Variants in LIPI observed in about 807,000 individuals in gnomAD.
The protein encoded by LIPI is lipase member I.
LIPI carries 59 observed loss-of-function variants against 50.6 expected under a neutral mutation model. The ratio of observed to expected loss-of-function variants is 1.16; its 90% CI spans 0.94 to 1.45. LIPI has a LOEUF of 1.45. Among genes scored for constraint, LIPI ranks in the 40% most tolerant of loss-of-function variants. The pLI is 0.00. For missense variants in LIPI, 586 were observed against 536.3 expected, an observed-to-expected ratio of 1.09 and a Z score of -0.92; for synonymous variants, 203 against 178.2, an observed-to-expected ratio of 1.14 and a Z score of -1.11.
rs547741795 is a variant in LIPI at position 14,205,320 on chromosome 21, T to C, written c.46+5480A>G. Among the ~76,000 whole-genome samples the C allele has an allele frequency of 7.2e-5, 11 of 151,998 alleles. No individual in the cohort carries two copies. The East Asian group carries it at 1.7e-3, about 24-fold the overall frequency. ...AATAAATTATCATGTATTTCTAAGATGGGGACTATGCAGCATTTAAGAAAT... is the reference window on the plus strand; with the variant it reads ...AATAAATTATCATGTATTTCTAAGACGGGGACTATGCAGCATTTAAGAAAT... On this transcript the variant is annotated intron_variant, in intron 1 of 9. Coordinates refer to ENST00000681601, the MANE Select transcript of LIPI (RefSeq NM_001302998.2).
intron 7 of LIPI, among the ~76,000 whole-genome samples, chr21:14,154,745 C>T (rs117593469): frequency 6.2e-4 from 94 of 152,040 alleles, no homozygotes; most frequent in Non-Finnish European, 1.1e-3. Context: ...ATAAGTTAGT[C>T]GCTGAGAAAA....
intron 9 of LIPI, among the ~76,000 whole-genome samples, chr21:14,141,150 T>C (rs2123044721): frequency 6.6e-6 from 1 of 152,294 alleles, no homozygotes; most frequent in Non-Finnish European, 1.5e-5. Context: ...TATCTTCTTT[T>C]CCTCAGTTGA....
intron 9 of LIPI, among the ~76,000 whole-genome samples, chr21:14,134,741 C>A (rs2017427186): frequency 6.6e-6 from 1 of 152,026 alleles, no homozygotes; most frequent in Non-Finnish European, 1.5e-5. Flanking sequence ...TAGCCATAGG[C>A]AGAATAATGA....
intron 7 of LIPI, among the ~76,000 whole-genome samples, chr21:14,161,679 T>TTATATATTAATGTATAATATATACATTAA (rs2018483618): frequency 9.5e-6 from 1 of 105,156 alleles, no homozygotes; most frequent in African/African-American, 4.0e-5. Flanking sequence ...ATATACATTA[T>TTATATATTAATGTATAATATATACATTAA]TATATATTAA....
intron 4 of LIPI, among the ~76,000 whole-genome samples, chr21:14,169,235 G>T (rs1481935500): frequency 6.6e-6 from 1 of 152,072 alleles, no homozygotes; most frequent in Non-Finnish European, 1.5e-5. Context: ...GACCTACAAA[G>T]AGACTTAGAC....
At chr21:14,192,693 G>C (rs1286130389) in intron 1 of LIPI, among the ~76,000 whole-genome samples, 1 of 152,122 alleles carries the variant, frequency 6.6e-6, no homozygotes, top group African/African-American at 2.4e-5. Context: ...GAAGGCAATG[G>C]AAAGATATAT....
intron 1 of LIPI, among the ~76,000 whole-genome samples, chr21:14,191,135 T>A (rs898407002): frequency 4.6e-5 from 7 of 152,140 alleles, no homozygotes; most frequent in Admixed American, 1.3e-4. Flanking sequence ...TCCCAGCTAC[T>A]CAGGAGGCCG....
chr21:14,152,523 G>A (rs773387515), intron 8 of LIPI, 50 bp downstream of exon 8: 1 of 910,192 alleles, frequency 1.1e-6, no homozygotes, highest in Non-Finnish European at 1.8e-6. Flanking sequence ...GGATACTGAA[G>A]AAAGCAAACA....
At chr21:14,193,971 T>C (rs2019762040) in intron 1 of LIPI, among the ~76,000 whole-genome samples, 1 of 152,080 alleles carries the variant, frequency 6.6e-6, no homozygotes, top group African/African-American at 2.4e-5. Context: ...CAATTAAAAC[T>C]GGGCAAAGAC....
chr21:14,180,431 G>T (rs1251792972), intron 4 of LIPI, among the ~76,000 whole-genome samples: 5 of 152,122 alleles, frequency 3.3e-5, no homozygotes, highest in South Asian at 4.1e-4. Context: ...TGTCACCCCT[G>T]GTGGACCAGC....
At chr21:14,150,475 C>T (rs1431887266) in intron 8 of LIPI, among the ~76,000 whole-genome samples, 3 of 152,158 alleles carry the variant, frequency 2.0e-5, no homozygotes, top group South Asian at 4.1e-4. Context: ...ATGCATGAGT[C>T]TCCAGTATTC....
chr21:14,110,966 A>T (rs542608773), intron 9 of LIPI, among the ~76,000 whole-genome samples: 1 of 148,626 alleles, frequency 6.7e-6, no homozygotes, highest in Admixed American at 6.7e-5. Context: ...TACATATTAT[A>T]TTTTTCTTAC....
At chr21:14,161,009 TTA>T (rs2018442097) in intron 7 of LIPI, among the ~76,000 whole-genome samples, 1 of 151,320 alleles carries the variant, frequency 6.6e-6, no homozygotes, top group African/African-American at 2.4e-5. Flanking sequence ...ATTAGATCAC[TTA>T]TATTTTAATT....
intron 4 of LIPI, among the ~76,000 whole-genome samples, chr21:14,168,643 A>C (rs1271737767): frequency 1.3e-5 from 2 of 152,158 alleles, no homozygotes; most frequent in African/African-American, 2.4e-5. Flanking sequence ...GAAATAAAAT[A>C]CTTTACAGAC....
chr21:14,189,041 T>C lies in LIPI; in HGVS notation c.425A>G (p.Asn142Ser). 1 of 1,604,406 alleles carries C rather than the reference T, an allele frequency of 6.2e-7. No homozygotes were observed. The highest frequency in any genetic ancestry group is 8.5e-7 in the Non-Finnish European group (1 of 1,179,664). The change falls in exon 2 of 10, where the codon AAT becomes AGT. Residue 142 changes from asparagine to serine, a missense_variant. By Grantham distance (46) the Asn-to-Ser change is conservative (BLOSUM62 1). Coordinates refer to ENST00000681601, the MANE Select transcript of LIPI (RefSeq NM_001302998.2). ...TAAAATTCCCAGACTTACCAAAAGATTTTTAATGTGCACACTCAAACTCAC... is the reference window on the plus strand; with the variant it reads ...TAAAATTCCCAGACTTACCAAAAGACTTTTAATGTGCACACTCAAACTCAC... ...VAVSLSVHIK[N>S]LLKHGASLDN...
intron 9 of LIPI, among the ~76,000 whole-genome samples, chr21:14,115,805 A>G (rs755463110): frequency 7.2e-5 from 11 of 152,264 alleles, no homozygotes; most frequent in Admixed American, 5.2e-4. Context: ...TAAGGACAGA[A>G]GGGGAGCTTG....
Position 14,108,970 on chromosome 21 carries a change from T to C in LIPI, c.*23A>G. On this transcript the variant is annotated 3_prime_UTR_variant, in exon 10 of 10. Transcript: ENST00000681601. ...ACAAGTCCATTAATTCACAAGCAAG[T>C]GCATTTGATGGAAGAAGGCATCTTA... The C allele has an allele frequency of 6.2e-7, 1 of 1,610,972 alleles. No individual in the cohort carries two copies. Among genetic ancestry groups the C allele is most frequent in the Admixed American group, 1.7e-5 (1 of 59,990 alleles).
At chr21:14,114,321 A>G (rs1242499774) in intron 9 of LIPI, among the ~76,000 whole-genome samples, 3 of 152,120 alleles carry the variant, frequency 2.0e-5, no homozygotes, top group Non-Finnish European at 4.4e-5. Flanking sequence ...CTACAATCAG[A>G]CCCACCCAAA....
chr21:14,173,454 A>G (rs2018990343), intron 4 of LIPI, among the ~76,000 whole-genome samples: 1 of 152,196 alleles, frequency 6.6e-6, no homozygotes, highest in African/African-American at 2.4e-5. Context: ...TTCTGAGCCC[A>G]TTACCGGCAT....
Sources: gnomAD v4.1 joint callset for allele counts (sites outside exome capture counted in the v4.1 genomes callset) on GRCh38, gnomAD v4.1.1 for gene constraint, MANE v1.5 for transcripts, NCBI Gene and HGNC (gene_info 2026-07-23, HGNC 2026-07-21) for gene names.